CACNA2D3: variants seen among roughly 807,000 people sequenced by gnomAD.
The protein encoded by CACNA2D3 is voltage-dependent calcium channel subunit alpha-2/delta-3.
CACNA2D3 carries 60 observed loss-of-function variants against 160.6 expected under a neutral mutation model. The ratio of observed to expected loss-of-function variants is 0.37; its 90% CI spans 0.30 to 0.46. CACNA2D3 has a LOEUF of 0.46. CACNA2D3 is among the 20% of genes least tolerant of loss of function. The probability of loss-of-function intolerance (pLI) is 1.00; values close to 1 mark genes in which losing one functional copy is unlikely to be tolerated. For missense variants in CACNA2D3, 1,205 were observed against 1,365.0 expected, an observed-to-expected ratio of 0.88 and a Z score of 1.85; for synonymous variants, 558 against 492.9, an observed-to-expected ratio of 1.13 and a Z score of -1.75.
chr3:54,168,224 G>T (rs1700495600), intron 2 of CACNA2D3, among the ~76,000 whole-genome samples: 1 of 152,200 alleles, frequency 6.6e-6, no homozygotes, highest in Non-Finnish European at 1.5e-5. Context: ...GGGAGCCTCT[G>T]TACAGAATCT....
chr3:54,734,349 C>T (rs1029628640), intron 11 of CACNA2D3, among the ~76,000 whole-genome samples: 4 of 152,172 alleles, frequency 2.6e-5, no homozygotes. Flanking sequence ...ACTCCTTTTC[C>T]CTCAGGGCCT....
At chr3:54,610,849 G>A (rs1354724079) in intron 9 of CACNA2D3, among the ~76,000 whole-genome samples, 2 of 152,080 alleles carry the variant, frequency 1.3e-5, no homozygotes, top group Non-Finnish European at 2.9e-5. Context: ...GGCTGGTCTC[G>A]AACTCCTGAC....
intron 11 of CACNA2D3, among the ~76,000 whole-genome samples, chr3:54,704,888 C>G (rs1174341229): frequency 6.6e-6 from 1 of 152,058 alleles, no homozygotes; most frequent in Non-Finnish European, 1.5e-5. Flanking sequence ...TTCTCTACCC[C>G]CCACCCCCAT....
intron 12 of CACNA2D3, among the ~76,000 whole-genome samples, chr3:54,756,472 G>A (rs1022160954): frequency 7.9e-5 from 12 of 152,166 alleles, no homozygotes; most frequent in African/African-American, 2.9e-4. Context: ...GATTGTTATA[G>A]TATGGAGGCA....
intron 34 of CACNA2D3, among the ~76,000 whole-genome samples, chr3:55,017,043 G>A (rs920983603): frequency 1.0e-3 from 155 of 152,288 alleles, no homozygotes; most frequent in African/African-American, 3.6e-3. Flanking sequence ...GTTATATTTG[G>A]AATGTAACAT....
chr3:54,551,191 C>T (rs1702150871), intron 5 of CACNA2D3, among the ~76,000 whole-genome samples: 1 of 152,124 alleles, frequency 6.6e-6, no homozygotes, highest in Admixed American at 6.5e-5. Context: ...TTGGCTCTGC[C>T]AGGACCACTC....
chr3:55,008,929 G>T (rs1277612101), intron 33 of CACNA2D3, among the ~76,000 whole-genome samples: 3 of 77,622 alleles, frequency 3.9e-5, no homozygotes, highest in Non-Finnish European at 9.3e-5. Context: ...ACACACAGGG[G>T]GCTTAAACAA....
At chr3:54,831,960 G>T (rs1025117878) in intron 14 of CACNA2D3, among the ~76,000 whole-genome samples, 13 of 149,026 alleles carry the variant, frequency 8.7e-5, no homozygotes, top group African/African-American at 3.0e-4. Flanking sequence ...GTACCCTCCC[G>T]CCCTTTCCCT....
At chr3:54,797,634 A>T (rs1702893589) in intron 13 of CACNA2D3, among the ~76,000 whole-genome samples, 1 of 152,218 alleles carries the variant, frequency 6.6e-6, no homozygotes, top group South Asian at 2.1e-4. Flanking sequence ...CTTGAGACAT[A>T]GCAAAGCACA....
At chr3:54,991,605 G>T (rs1219358058) in intron 31 of CACNA2D3, among the ~76,000 whole-genome samples, 1 of 152,158 alleles carries the variant, frequency 6.6e-6, no homozygotes, top group Non-Finnish European at 1.5e-5. Flanking sequence ...ATTCAATGTT[G>T]TCATGTATCT....
intron 5 of CACNA2D3, among the ~76,000 whole-genome samples, chr3:54,557,657 A>G (rs1384957891): frequency 6.6e-6 from 1 of 152,174 alleles, no homozygotes; most frequent in Admixed American, 6.5e-5. Flanking sequence ...TTTCAGTGTC[A>G]TTATTGTATT....
chr3:54,504,570 T>G (rs1362452333), intron 5 of CACNA2D3, among the ~76,000 whole-genome samples: 1 of 152,204 alleles, frequency 6.6e-6, no homozygotes, highest in Non-Finnish European at 1.5e-5. Context: ...TGCTTGGTCA[T>G]ACCTAAAAAA....
At position 54,559,455 on chromosome 3, in the gene CACNA2D3, G is replaced by C. The variant is rs367613244; in HGVS notation, c.545-3345G>C. On this transcript the variant is annotated intron_variant, in intron 5 of 37. Transcript: ENST00000474759. Reference sequence around the variant, plus strand: ...CTACAGACGCCCGCCACCACGCCCAGCTAGTTTTTCTATTTTTAGTAGAGA... The same window carrying C: ...CTACAGACGCCCGCCACCACGCCCACCTAGTTTTTCTATTTTTAGTAGAGA... 2.6e-5 allele frequency among the ~76,000 whole-genome samples: 4 copies of C among 152,014 alleles called. No homozygotes were observed. In the East Asian group the frequency reaches 7.7e-4, roughly 29 times the overall value.
chr3:54,122,760 C>A lies in CACNA2D3; in HGVS notation c.47C>A (p.Ala16Glu). The change falls in exon 1 of 38, where the codon GCG becomes GAG. Residue 16 changes from alanine (A) to glutamate (E), a missense_variant. Physicochemically the swap from Ala to Glu is moderately radical, Grantham distance 107 (BLOSUM62 -1). Around this residue, in one of 3 missense-constraint regions of CACNA2D3, gnomAD observed 163 missense variants for 161.3 expected, o/e 1.01. Coordinates refer to ENST00000474759, the MANE Select transcript of CACNA2D3 (RefSeq NM_018398.3). ...CGCCGCGCGTCCCGGGGGGCCTCGG[C>A]GCTTCTCGCTGCCGCGCTTCTCTAC... ...SPRRASRGAS[A>E]LLAAALLYAA... The A allele has an allele frequency of 8.2e-7, 1 of 1,224,404 alleles. No individual in the cohort carries two copies. The highest frequency in any genetic ancestry group is 1.0e-6 in the Non-Finnish European group (1 of 980,258). The allele number at this position is 1,224,404 out of a possible 1,614,324, so 75.8% of individuals were successfully genotyped here.
intron 2 of CACNA2D3, among the ~76,000 whole-genome samples, chr3:54,194,216 A>T (rs978267307): frequency 1.2e-4 from 18 of 152,208 alleles, no homozygotes; most frequent in Non-Finnish European, 1.5e-5. Context: ...TAGCTAGAAG[A>T]TAGGGCTTGA....
At chr3:54,426,930 G>A (rs536779945) in intron 4 of CACNA2D3, among the ~76,000 whole-genome samples, 62 of 152,184 alleles carry the variant, frequency 4.1e-4, no homozygotes, top group African/African-American at 1.4e-3. Context: ...GTGTCTGCTT[G>A]TACTGTTTCT....
chr3:54,350,231 C>G (rs1469345555), intron 3 of CACNA2D3, among the ~76,000 whole-genome samples: 1 of 152,148 alleles, frequency 6.6e-6, no homozygotes, highest in Non-Finnish European at 1.5e-5. Flanking sequence ...ACTGTACTCT[C>G]TTGCTGAGAA....
At position 54,957,817 on chromosome 3, in the gene CACNA2D3, A is replaced by G. The variant is rs191805805; in HGVS notation, c.2450-10633A>G. Among the ~76,000 whole-genome samples, 233 of 152,280 alleles carry G rather than the reference A, an allele frequency of 1.5e-3. 1 individual carries two copies. Among genetic ancestry groups the G allele is most frequent in the Non-Finnish European group, 2.7e-3 (186 of 68,012 alleles). The stretch of plus-strand genomic sequence containing the variant: ...ACGCATGACCCCTACACAGTCCCCC[A>G]GACACAAACCATGCATCCCAGCAAC... On this transcript the variant is annotated intron_variant, in intron 27 of 37. Coordinates refer to ENST00000474759, the MANE Select transcript of CACNA2D3 (RefSeq NM_018398.3).
chr3:54,749,457 T>C (rs1701816694), intron 11 of CACNA2D3, among the ~76,000 whole-genome samples: 1 of 152,262 alleles, frequency 6.6e-6, no homozygotes, highest in Non-Finnish European at 1.5e-5. Context: ...ATATGTACTC[T>C]CTTCTACCAC....
Sources: allele counts gnomAD v4.1 joint callset (sites outside exome capture counted in the v4.1 genomes callset), GRCh38; gene constraint gnomAD v4.1.1; regional missense constraint gnomAD v4.1.1; transcripts MANE v1.5; gene names NCBI Gene and HGNC (gene_info 2026-07-23, HGNC 2026-07-21).